FHOD3: variants seen among roughly 807,000 people sequenced by gnomAD.
FHOD3 encodes the protein FH1/FH2 domain-containing protein 3.
In FHOD3, 90 loss-of-function variants were observed where a neutral mutation model predicts 173.0. The ratio of observed to expected loss-of-function variants is 0.52; its 90% CI spans 0.44 to 0.62. The LOEUF (loss-of-function observed/expected upper bound fraction) is 0.62, where lower values mean the gene tolerates loss of function less well. Among genes scored for constraint, FHOD3 ranks in the 20% least tolerant of loss-of-function variants. The pLI is 0.00. For missense variants in FHOD3, 1,945 were observed against 2,034.7 expected, an observed-to-expected ratio of 0.96 and a Z score of 0.85; for synonymous variants, 828 against 823.0, an observed-to-expected ratio of 1.01 and a Z score of -0.10.
intron 3 of FHOD3, among the ~76,000 whole-genome samples, chr18:36,404,560 T>C (rs1190354166): frequency 2.0e-5 from 3 of 152,152 alleles, no homozygotes; most frequent in Non-Finnish European, 2.9e-5. Flanking sequence ...CAAATGCCAG[T>C]GTGCAGATGT....
intron 5 of FHOD3, among the ~76,000 whole-genome samples, chr18:36,561,318 C>A (rs933253904): frequency 6.6e-6 from 1 of 152,018 alleles, no homozygotes. Context: ...ATGTGTTGGC[C>A]CAGGAGACAG....
chr18:36,556,829 G>T (rs1380763329), intron 5 of FHOD3, among the ~76,000 whole-genome samples: 1 of 152,088 alleles, frequency 6.6e-6, no homozygotes, highest in African/African-American at 2.4e-5. Flanking sequence ...TTTTGCATAT[G>T]CCCAAAGGAT....
At chr18:36,319,706 A>C (rs2044296703) in intron 1 of FHOD3, among the ~76,000 whole-genome samples, 1 of 152,226 alleles carries the variant, frequency 6.6e-6, no homozygotes, top group South Asian at 2.1e-4. Flanking sequence ...ACCACATCGC[A>C]CTTATTCTAA....
chr18:36,742,181 G>A (rs562132306), intron 21 of FHOD3, among the ~76,000 whole-genome samples: 1 of 152,240 alleles, frequency 6.6e-6, no homozygotes, highest in Admixed American at 6.5e-5. Context: ...GGGAGATGGA[G>A]GCCATGAGGC....
chr18:36,576,458 C>G lies in FHOD3; in HGVS notation c.519C>G (p.Gly173=). Residue 173 remains glycine, a synonymous_variant, in exon 6 of 29, where the codon GGC becomes GGG. Coordinates refer to ENST00000590592, the MANE Select transcript of FHOD3 (RefSeq NM_001281740.3). ...NYQNYILRAL[G]QIMLYVDGMN... Reference sequence around the variant, plus strand: ...TTCTCTTGTTTTCTGTAGCTTTGGGCCAGATTATGTTGTATGTGGATGGAA... The same window carrying G: ...TTCTCTTGTTTTCTGTAGCTTTGGGGCAGATTATGTTGTATGTGGATGGAA... The G allele has an allele frequency of 6.2e-7, 1 of 1,611,548 alleles. No homozygotes were observed. Among genetic ancestry groups the G allele is most frequent in the East Asian group, 2.2e-5 (1 of 44,756 alleles).
intron 3 of FHOD3, among the ~76,000 whole-genome samples, chr18:36,375,278 T>A (rs2047383967): frequency 6.6e-6 from 1 of 152,220 alleles, no homozygotes; most frequent in Non-Finnish European, 1.5e-5. Flanking sequence ...GTTGTTTTAG[T>A]CTTTGTTTCT....
intron 1 of FHOD3, among the ~76,000 whole-genome samples, chr18:36,327,243 A>T (rs1335989124): frequency 6.6e-6 from 1 of 152,152 alleles, no homozygotes; most frequent in Non-Finnish European, 1.5e-5. Context: ...CAAAGATAAA[A>T]CTCACTGGTG....
chr18:36,547,004 G>T (rs1364751235), intron 5 of FHOD3, among the ~76,000 whole-genome samples: 1 of 152,298 alleles, frequency 6.6e-6, no homozygotes, highest in Middle Eastern at 3.4e-3. Context: ...AATTCACACT[G>T]CCTCACAGCG....
intron 10 of FHOD3, among the ~76,000 whole-genome samples, chr18:36,626,803 A>G (rs954582941): frequency 6.6e-6 from 1 of 152,184 alleles, no homozygotes; most frequent in African/African-American, 2.4e-5. Context: ...TGATCAAGAT[A>G]TATCCCTCCT....
intron 26 of FHOD3, among the ~76,000 whole-genome samples, 183 bp downstream of exon 26, chr18:36,759,324 G>A (rs1001671028): frequency 1.3e-5 from 2 of 152,142 alleles, no homozygotes; most frequent in Non-Finnish European, 2.9e-5. Context: ...ATCATGCCAC[G>A]TTTGCCAGGG....
chr18:36,316,452 G>A lies in FHOD3; in HGVS notation c.165+18452G>A, dbSNP rs16967734. Among the ~76,000 whole-genome samples, 1,312 of 152,284 alleles carry A rather than the reference G, an allele frequency of 8.6e-3. 21 individuals carry two copies. Among genetic ancestry groups the A allele is most frequent in the African/African-American group, 0.03 (1,243 of 41,556 alleles). ...CCAAATTCTACTGCATGAGTCACTG[G>A]GGTTTAAAATCCTTCAGATGGATAG... On this transcript the variant is annotated intron_variant, in intron 1 of 28. Coordinates refer to ENST00000590592, the MANE Select transcript of FHOD3 (RefSeq NM_001281740.3).
intron 3 of FHOD3, among the ~76,000 whole-genome samples, chr18:36,465,656 C>T (rs1039385001): frequency 2.0e-5 from 3 of 152,078 alleles, no homozygotes; most frequent in African/African-American, 7.2e-5. Flanking sequence ...ATTGATCACC[C>T]ACACATTGAC....
chr18:36,602,439 A>G (rs1384457184), intron 7 of FHOD3, among the ~76,000 whole-genome samples: 1 of 152,252 alleles, frequency 6.6e-6, no homozygotes, highest in African/African-American at 2.4e-5. Context: ...ACTGAAGCGT[A>G]CACAATGCTC....
intron 9 of FHOD3, among the ~76,000 whole-genome samples, chr18:36,615,681 CAA>C (rs889319573): frequency 1.3e-5 from 2 of 152,052 alleles, no homozygotes; most frequent in African/African-American, 4.8e-5. Flanking sequence ...AGATTATTTT[CAA>C]AGTTTTCACA....
chr18:36,701,963 CT>C (rs1290602763), intron 17 of FHOD3, among the ~76,000 whole-genome samples: 14 of 152,334 alleles, frequency 9.2e-5, no homozygotes, highest in Non-Finnish European at 1.9e-4. Context: ...AACTCTGAAA[CT>C]TGAGGACAAA....
intron 17 of FHOD3, among the ~76,000 whole-genome samples, chr18:36,700,684 G>A (rs1336871849): frequency 1.3e-5 from 2 of 152,030 alleles, no homozygotes; most frequent in Non-Finnish European, 2.9e-5. Flanking sequence ...AAAGATCTCT[G>A]TACCTTTTCT....
intron 3 of FHOD3, among the ~76,000 whole-genome samples, chr18:36,422,758 T>C (rs1053213793): frequency 6.6e-6 from 1 of 152,242 alleles, no homozygotes; most frequent in African/African-American, 2.4e-5. Context: ...AAAACGTTAA[T>C]TAGCGTCCTT....
chr18:36,533,956 A>T (rs960923627), intron 5 of FHOD3, among the ~76,000 whole-genome samples: 2 of 152,194 alleles, frequency 1.3e-5, no homozygotes, highest in Admixed American at 1.3e-4. Flanking sequence ...CTAACTTCCC[A>T]TCCATGGCTC....
In FHOD3 at chr18:36,463,785, T is replaced by C. The variant is rs1054633112; in HGVS notation, c.338-38147T>C. Among the ~76,000 whole-genome samples, 14 of 152,352 alleles carry C rather than the reference T, an allele frequency of 9.2e-5. 1 individual carries two copies. The highest frequency in any genetic ancestry group is 3.4e-4 in the African/African-American group (14 of 41,592). On this transcript the variant is annotated intron_variant, in intron 3 of 28. Coordinates refer to ENST00000590592, the MANE Select transcript of FHOD3 (RefSeq NM_001281740.3). ...CTGGGATTACAGGCATGAGCCACCA[T>C]ACCTGGCCCAAGTGCCAATTTATTT...
Sources: gnomAD v4.1 joint callset for allele counts (sites outside exome capture counted in the v4.1 genomes callset) on GRCh38, gnomAD v4.1.1 for gene constraint, MANE v1.5 for transcripts, NCBI Gene and HGNC (gene_info 2026-07-23, HGNC 2026-07-21) for gene names.